Variants in SYT1 observed in about 807,000 individuals in gnomAD.
SYT1 encodes the protein synaptotagmin 1, also known as synaptotagmin-1.
A neutral mutation model predicts 44.8 loss-of-function variants in SYT1; 8 were observed. That is an observed-to-expected ratio of 0.18 (90% confidence interval 0.10 to 0.32). The LOEUF is 0.32. Ranked by LOEUF, SYT1 falls within the 10% of genes least tolerant of loss-of-function variation. SYT1 has a pLI of 1.00. For synonymous variants in SYT1, 154 were observed against 188.8 expected, an observed-to-expected ratio of 0.82 and a Z score of 1.51; for missense variants, 286 against 509.3, an observed-to-expected ratio of 0.56 and a Z score of 4.22.
intron 4 of SYT1, among the ~76,000 whole-genome samples, chr12:79,230,601 A>G (rs985757537): frequency 2.6e-5 from 4 of 152,172 alleles, no homozygotes; most frequent in Non-Finnish European, 5.9e-5. Flanking sequence ...AACATTCTCT[A>G]TTCAAGGTGG....
At chr12:78,952,915 G>A (rs562213239) in intron 1 of SYT1, among the ~76,000 whole-genome samples, 125 of 152,194 alleles carry the variant, frequency 8.2e-4, no homozygotes, top group African/African-American at 3.0e-3. Flanking sequence ...TAAAAACAAA[G>A]TAAGCCAGAA....
chr12:79,083,213 G>T (rs1221352896), intron 3 of SYT1, among the ~76,000 whole-genome samples: 1 of 152,088 alleles, frequency 6.6e-6, no homozygotes, highest in Non-Finnish European at 1.5e-5. Flanking sequence ...TATTAATAAA[G>T]GAGGTTGATT....
chr12:78,869,840 G>A (rs1873727933), intron 1 of SYT1, among the ~76,000 whole-genome samples: 2 of 151,956 alleles, frequency 1.3e-5, no homozygotes, highest in Non-Finnish European at 2.9e-5. Context: ...CAAATGAGAG[G>A]TCAAAGTTTA....
At chr12:79,009,820 C>T (rs1409372544) in intron 2 of SYT1, among the ~76,000 whole-genome samples, 1 of 152,040 alleles carries the variant, frequency 6.6e-6, no homozygotes, top group Non-Finnish European at 1.5e-5. Flanking sequence ...TGTTTCCTTT[C>T]TTTTATTTTT....
chr12:79,449,958 G>GTA lies in SYT1; in HGVS notation c.*834_*835insTA, dbSNP rs1370610946. ...TGTGTGTGTGTGTGTGTGTGTGTGT[G>GTA]CACATTTGTTTGGGGATGGGGGAGA... On this transcript the variant is annotated 3_prime_UTR_variant, in exon 11 of 11. Coordinates refer to ENST00000261205, the MANE Select transcript of SYT1 (RefSeq NM_005639.3). The GTA allele has an allele frequency of 2.1e-5, 3 of 145,272 alleles. No homozygotes were observed. Among genetic ancestry groups the GTA allele is most frequent in the Non-Finnish European group, 4.5e-5 (3 of 66,146 alleles). 9.0% of individuals were successfully genotyped at this position (145,272 alleles called of 1,614,324 possible). A position where few individuals can be genotyped will look rare whatever the true frequency, so the allele number is the denominator to read the frequency against.
intron 2 of SYT1, among the ~76,000 whole-genome samples, chr12:78,992,240 TC>T (rs1403555036): frequency 6.6e-6 from 1 of 152,180 alleles, no homozygotes; most frequent in East Asian, 1.9e-4. Context: ...GTGACTAAGC[TC>T]TCCAACGTAT....
intron 1 of SYT1, among the ~76,000 whole-genome samples, chr12:78,900,253 G>A (rs10861133): frequency 0.38 from 57,789 of 151,840 alleles, 13,070 homozygotes; most frequent in Non-Finnish European, 0.49. Flanking sequence ...TTAAATTGAC[G>A]CTTTGCCAGG....
At chr12:79,007,603 T>C (rs1024080656) in intron 2 of SYT1, among the ~76,000 whole-genome samples, 3 of 152,086 alleles carry the variant, frequency 2.0e-5, no homozygotes, top group African/African-American at 7.2e-5. Context: ...TAATAGATCA[T>C]TTGAACTCAG....
At chr12:79,350,164 G>C (rs1882824727) in intron 8 of SYT1, among the ~76,000 whole-genome samples, 1 of 152,064 alleles carries the variant, frequency 6.6e-6, no homozygotes, top group South Asian at 2.1e-4. Context: ...CACACCTTGT[G>C]GGGATGACAC....
intron 1 of SYT1, among the ~76,000 whole-genome samples, chr12:78,967,504 T>C (rs982280434): frequency 6.6e-6 from 1 of 152,160 alleles, no homozygotes; most frequent in Non-Finnish European, 1.5e-5. Context: ...ATCAATAGTA[T>C]GTGACAATTA....
At chr12:79,272,057 C>T (rs1878455343) in intron 4 of SYT1, among the ~76,000 whole-genome samples, 1 of 152,014 alleles carries the variant, frequency 6.6e-6, no homozygotes, top group African/African-American at 2.4e-5. Flanking sequence ...TCCATCAATG[C>T]TAAGTGAGGC....
intron 9 of SYT1, among the ~76,000 whole-genome samples, chr12:79,407,461 T>G (rs1415618608): frequency 3.9e-5 from 6 of 152,102 alleles, no homozygotes; most frequent in Non-Finnish European, 8.8e-5. Context: ...CCTCTAGAGT[T>G]GCTACCACCA....
At chr12:79,123,316 T>TGTGTGTGTGTGTGTGC (rs1868312323) in intron 3 of SYT1, among the ~76,000 whole-genome samples, 1 of 148,686 alleles carries the variant, frequency 6.7e-6, no homozygotes, top group Non-Finnish European at 1.5e-5. Flanking sequence ...GCAATGTGTG[T>TGTGTGTGTGTGTGTGC]GTGTGTGTGT....
rs189030112 is a variant in SYT1 at position 79,403,506 on chromosome 12, T to G, written c.929-40567T>G. ...TAAAGCCCACCTAGTGACCTCATTG[T>G]AATTTAATTACTTCTTTAAAGACAT... is the stretch of plus-strand genomic sequence containing the variant. On this transcript the variant is annotated intron_variant, in intron 9 of 10. Transcript: ENST00000261205. Among the ~76,000 whole-genome samples the G allele has an allele frequency of 3.2e-4, 48 of 152,314 alleles. No homozygotes were observed. The East Asian group carries it at 8.9e-3, about 28-fold the overall frequency.
intron 1 of SYT1, among the ~76,000 whole-genome samples, chr12:78,879,096 AG>A (rs1874325070): frequency 6.6e-6 from 1 of 151,662 alleles, no homozygotes; most frequent in Admixed American, 6.6e-5. Context: ...TTCCCACCCC[AG>A]GCTTGGAAGA....
At chr12:79,181,707 GC>G (rs983009802) in intron 3 of SYT1, among the ~76,000 whole-genome samples, 37 of 152,088 alleles carry the variant, frequency 2.4e-4, no homozygotes, top group African/African-American at 8.9e-4. Flanking sequence ...GGCTTTCACT[GC>G]TACTCAGTAC....
chr12:78,939,289 G>A (rs1325226870), intron 1 of SYT1, among the ~76,000 whole-genome samples: 1 of 152,028 alleles, frequency 6.6e-6, no homozygotes, highest in Non-Finnish European at 1.5e-5. Flanking sequence ...TAGACTCCTG[G>A]GATCAAAGTC....
At chr12:79,050,158 A>G (rs945079042) in intron 3 of SYT1, among the ~76,000 whole-genome samples, 1 of 144,304 alleles carries the variant, frequency 6.9e-6, no homozygotes, top group African/African-American at 2.7e-5. Context: ...TGTTATGTGT[A>G]TTATATACTC....
chr12:79,020,171 T>C (rs984119997), intron 2 of SYT1, among the ~76,000 whole-genome samples: 3 of 152,028 alleles, frequency 2.0e-5, no homozygotes, highest in Non-Finnish European at 4.4e-5. Context: ...TTCATCAGTA[T>C]GAATTAGAAG....
Sources: gnomAD v4.1 joint callset for allele counts (sites outside exome capture counted in the v4.1 genomes callset) on GRCh38, gnomAD v4.1.1 for gene constraint, MANE v1.5 for transcripts, NCBI Gene and HGNC (gene_info 2026-07-23, HGNC 2026-07-21) for gene names.